CNTN6: variants seen among roughly 807,000 people sequenced by gnomAD.
The protein encoded by CNTN6 is contactin-6.
In CNTN6, 137 loss-of-function variants were observed where a neutral mutation model predicts 122.8. The ratio of observed to expected loss-of-function variants is 1.12; its 90% CI spans 0.97 to 1.29. The LOEUF is 1.29. Ranked by LOEUF, CNTN6 falls within the 50% of genes most tolerant of loss-of-function variation. CNTN6 has a pLI of 0.00. For missense variants in CNTN6, 1,634 were observed against 1,223.4 expected (o/e 1.34, Z -5.01); for synonymous variants, 570 against 426.0 (o/e 1.34, Z -4.16).
At chr3:1,402,719 A>C (rs555305493) in intron 22 of CNTN6, 1 of 395,288 alleles carries the variant, frequency 2.5e-6, no homozygotes, top group East Asian at 3.9e-5. Flanking sequence ...ACAGGAAAAA[A>C]AATCTTTGTG....
Position 1,298,115 on chromosome 3 carries a change from A to G in CNTN6, c.761+124A>G, listed in dbSNP as rs565577680. ...AAGTAGATTTCAAATGCTGGGCAAC[A>G]GTGGAACTTTCTGATTTGAATTTAA... is the stretch of plus-strand genomic sequence containing the variant. On this transcript the variant is annotated intron_variant, in intron 7 of 22. Coordinates refer to ENST00000446702, the MANE Select transcript of CNTN6 (RefSeq NM_001289080.2). The G allele has an allele frequency of 8.9e-5, 58 of 652,376 alleles. No individual in the cohort carries two copies. In the African/African-American group the frequency reaches 1.0e-3, roughly 11 times the overall value. The allele number at this position is 652,376 out of a possible 1,614,324, so 40.4% of individuals were successfully genotyped here. A position where few individuals can be genotyped will look rare whatever the true frequency, so the allele number is the denominator to read the frequency against.
At chr3:1,123,588 G>T (rs937890175) in intron 1 of CNTN6, among the ~76,000 whole-genome samples, 1 of 151,878 alleles carries the variant, frequency 6.6e-6, no homozygotes, top group Non-Finnish European at 1.5e-5. Flanking sequence ...CTTTTTGGAA[G>T]ACTGAGATTT....
chr3:1,108,429 T>G (rs1006796065), intron 1 of CNTN6, among the ~76,000 whole-genome samples: 1 of 152,012 alleles, frequency 6.6e-6, no homozygotes, highest in Non-Finnish European at 1.5e-5. Context: ...GGAAACAAAG[T>G]TTTGACTACA....
chr3:1,236,540 C>T (rs1474832857), intron 4 of CNTN6, among the ~76,000 whole-genome samples: 3 of 152,036 alleles, frequency 2.0e-5, no homozygotes, highest in Non-Finnish European at 4.4e-5. Flanking sequence ...GGGAGAACAC[C>T]GAAACAAGGG....
chr3:1,304,987 C>CAAA (rs4065396), intron 7 of CNTN6, among the ~76,000 whole-genome samples: 31,598 of 102,642 alleles, frequency 0.31, 5,559 homozygotes, highest in East Asian at 0.6. Context: ...GAGACTCTGT[C>CAAA]AAAAAAAAAA....
At chr3:1,135,998 G>T (rs1346424921) in intron 1 of CNTN6, among the ~76,000 whole-genome samples, 1 of 152,088 alleles carries the variant, frequency 6.6e-6, no homozygotes, top group African/African-American at 2.4e-5. Context: ...TCTCAAAATA[G>T]AAGAAGTTAT....
At chr3:1,300,639 G>A (rs934695281) in intron 7 of CNTN6, among the ~76,000 whole-genome samples, 2 of 151,886 alleles carry the variant, frequency 1.3e-5, no homozygotes, top group Admixed American at 1.3e-4. Context: ...GAGATAACAT[G>A]ATCAATATAG....
chr3:1,112,499 T>G (rs985039709), intron 1 of CNTN6, among the ~76,000 whole-genome samples: 8 of 151,990 alleles, frequency 5.3e-5, no homozygotes, highest in African/African-American at 1.9e-4. Flanking sequence ...AAGCTGGAGT[T>G]TCAATGTCGG....
chr3:1,354,865 G>C (rs990124217), intron 12 of CNTN6, among the ~76,000 whole-genome samples: 3 of 151,454 alleles, frequency 2.0e-5, no homozygotes, highest in African/African-American at 7.3e-5. Flanking sequence ...CTTTCTAATT[G>C]TAGGGTTTGT....
At chr3:1,334,040 G>T (rs1263284356) in intron 11 of CNTN6, among the ~76,000 whole-genome samples, 4 of 152,068 alleles carry the variant, frequency 2.6e-5, no homozygotes, top group Non-Finnish European at 5.9e-5. Context: ...TGAAGTCTTG[G>T]CTGTTTTAAG....
rs185176824 is a variant in CNTN6, at chr3:1,243,725, G to A, written c.358+15732G>A. On this transcript the variant is annotated intron_variant, in intron 4 of 22. Coordinates refer to ENST00000446702, the MANE Select transcript of CNTN6 (RefSeq NM_001289080.2). ...CCACCTTTTAAAGAGTAAATTGCTC[G>A]GCAGGTGGGGAAGAGCTAGTCACAG... is the stretch of plus-strand genomic sequence containing the variant. 5.3e-5 allele frequency among the ~76,000 whole-genome samples: 8 copies of A among 152,128 alleles called. No homozygotes were observed. The East Asian group carries it at 7.7e-4, about 15-fold the overall frequency.
chr3:1,222,511 A>C (rs2094221011), intron 3 of CNTN6, among the ~76,000 whole-genome samples: 1 of 152,150 alleles, frequency 6.6e-6, no homozygotes, highest in Admixed American at 6.6e-5. Context: ...GGCTTTTAAC[A>C]GTTAGAAGGA....
At chr3:1,390,625 G>GT (rs1340170646) in intron 20 of CNTN6, among the ~76,000 whole-genome samples, 3 of 152,182 alleles carry the variant, frequency 2.0e-5, no homozygotes, top group South Asian at 2.1e-4. Context: ...CCAGGAGCTG[G>GT]TTTTTTGAAA....
chr3:1,298,270 C>G (rs1696621305), intron 7 of CNTN6: 2 of 291,698 alleles, frequency 6.9e-6, no homozygotes, highest in Middle Eastern at 1.1e-3. Context: ...CAGCACATTG[C>G]AAGGGAATAA....
At chr3:1,259,294 G>A (rs1042223448) in intron 4 of CNTN6, among the ~76,000 whole-genome samples, 2 of 152,026 alleles carry the variant, frequency 1.3e-5, no homozygotes, top group African/African-American at 2.4e-5. Flanking sequence ...TGGTAGAAGG[G>A]CATTTGAACT....
chr3:1,295,601 A>T lies in CNTN6; in HGVS notation c.455A>T (p.Asp152Val). The T allele has an allele frequency of 5.0e-6, 8 of 1,611,606 alleles. No individual in the cohort carries two copies. The highest frequency in any genetic ancestry group is 5.9e-6 in the Non-Finnish European group (7 of 1,178,738). ...TTTTGTTTTGTTTCTTGTTTTTCAGATTTATCTTATGCATGGACCTTCAAT... is the reference window on the plus strand; with the variant it reads ...TTTTGTTTTGTTTCTTGTTTTTCAGTTTTATCTTATGCATGGACCTTCAAT... ...LLCGPPPHFG[D>V]LSYAWTFNDN... Residue 152 changes from aspartate to valine, a missense_variant and splice_region_variant, in exon 6 of 23, where the codon GAT (aspartate) becomes GTT (valine). Transcript: ENST00000446702.
intron 4 of CNTN6, among the ~76,000 whole-genome samples, chr3:1,277,346 C>CTTTT (rs10599744): frequency 1.2e-4 from 10 of 80,190 alleles, no homozygotes; most frequent in African/African-American, 1.8e-4. Flanking sequence ...AGTAGGTTTT[C>CTTTT]TTTTTTTTTT....
chr3:1,238,201 A>G (rs2094443873), intron 4 of CNTN6, among the ~76,000 whole-genome samples: 1 of 152,144 alleles, frequency 6.6e-6, no homozygotes, highest in Non-Finnish European at 1.5e-5. Flanking sequence ...AGACTCAACT[A>G]ACACAGAAGA....
In CNTN6 at chr3:1,253,280, C is replaced by T. The variant is rs566960810; in HGVS notation, c.359-25133C>T. ...TTGAAAGCAAAAGAAGAAACGCATA[C>T]ATTTTTATTATTCATTCTTTTATCT... is the stretch of plus-strand genomic sequence containing the variant. On this transcript the variant is annotated intron_variant, in intron 4 of 22. Coordinates refer to ENST00000446702, the MANE Select transcript of CNTN6 (RefSeq NM_001289080.2). Among the ~76,000 whole-genome samples the T allele has an allele frequency of 2.0e-5, 3 of 152,254 alleles. 1 individual carries two copies. In the East Asian group the frequency reaches 5.8e-4, roughly 29 times the overall value.
Sources: allele counts gnomAD v4.1 joint callset (sites outside exome capture counted in the v4.1 genomes callset), GRCh38; gene constraint gnomAD v4.1.1; transcripts MANE v1.5; gene names NCBI Gene and HGNC (gene_info 2026-07-23, HGNC 2026-07-21).